The following FRAS1 variants were observed in gnomAD, a reference collection of about 807,000 sequenced individuals.
The protein encoded by FRAS1 is Fraser extracellular matrix complex subunit 1.
A neutral mutation model predicts 435.2 loss-of-function variants in FRAS1; 290 were observed. The ratio of observed to expected loss-of-function variants is 0.67; its 90% CI spans 0.61 to 0.73. FRAS1 has a LOEUF of 0.73. FRAS1 is among the 30% of genes least tolerant of loss of function. The pLI, the probability that FRAS1 is intolerant of heterozygous loss-of-function variation, is 0.00. For synonymous variants in FRAS1, 1,800 were observed against 1,851.0 expected, an observed-to-expected ratio of 0.97 and a Z score of 0.71; for missense variants, 4,860 against 5,001.5, an observed-to-expected ratio of 0.97 and a Z score of 0.85.
At chr4:78,208,952 C>T (rs1275116803) in intron 2 of FRAS1, among the ~76,000 whole-genome samples, 1 of 151,926 alleles carries the variant, frequency 6.6e-6, no homozygotes, top group Non-Finnish European at 1.5e-5. Context: ...GCCTGGACAA[C>T]AAAGTGAGAC....
intron 2 of FRAS1, among the ~76,000 whole-genome samples, chr4:78,233,465 A>G (rs917296408): frequency 6.6e-6 from 1 of 152,248 alleles, no homozygotes; most frequent in Non-Finnish European, 1.5e-5. Flanking sequence ...TGGAATGAGA[A>G]GATGGGAAAG....
At chr4:78,223,341 T>C (rs77031355) in intron 2 of FRAS1, among the ~76,000 whole-genome samples, 2,277 of 152,104 alleles carry the variant, frequency 0.015, 44 homozygotes, top group African/African-American at 0.051. Context: ...CTTGGAAAAA[T>C]AGTTGATGCA....
In FRAS1 at chr4:78,445,737, G is replaced by A. The variant is rs35536729; in HGVS notation, c.5856+25G>A. The A allele has an allele frequency of 4.3e-3, 6,939 of 1,613,496 alleles. 173 individuals are homozygous for A. In the Admixed American group the frequency reaches 0.059, roughly 14 times the overall value. ...GGTAAAGACTTTGGAAGTTGGAAAG[G>A]TTGAGCCCTTGACCACAATATTTCA... is the stretch of plus-strand genomic sequence containing the variant. On this transcript the variant is annotated intron_variant, in intron 42 of 73. Transcript: ENST00000512123.
At chr4:78,342,033 T>A (rs1407803569) in intron 20 of FRAS1, among the ~76,000 whole-genome samples, 1 of 152,148 alleles carries the variant, frequency 6.6e-6, no homozygotes, top group Non-Finnish European at 1.5e-5. Flanking sequence ...CAGGAAGGTG[T>A]TAGGAGAAAC....
At chr4:78,411,515 C>T (rs936363549) in intron 31 of FRAS1, among the ~76,000 whole-genome samples, 1 of 152,070 alleles carries the variant, frequency 6.6e-6, no homozygotes. Context: ...ATATGTAATG[C>T]CAGTGGGATT....
chr4:78,188,832 C>T (rs1306196521), intron 2 of FRAS1, among the ~76,000 whole-genome samples: 1 of 152,196 alleles, frequency 6.6e-6, no homozygotes, highest in African/African-American at 2.4e-5. Context: ...CTTGCATAGA[C>T]AGTTGGCATT....
intron 30 of FRAS1, among the ~76,000 whole-genome samples, chr4:78,406,402 TG>T (rs965339621): frequency 5.3e-5 from 8 of 152,194 alleles, no homozygotes; most frequent in African/African-American, 1.9e-4. Context: ...TCCACATGGC[TG>T]GGGAGGCCTC....
At chr4:78,318,787 C>G in intron 17 of FRAS1, 23 bp from the exon 18 acceptor site, 1 of 1,530,064 alleles carries the variant, frequency 6.5e-7, no homozygotes, top group South Asian at 1.3e-5. Context: ...GGATTATTTT[C>G]TGCATTTTAT....
rs1240302428 is a variant in FRAS1, at chr4:78,333,350, T to A, written c.2216T>A (p.Leu739Ter). 1 of 1,612,416 alleles carries A rather than the reference T, an allele frequency of 6.2e-7. No individual in the cohort carries two copies. The highest frequency in any genetic ancestry group is 8.5e-7 in the Non-Finnish European group (1 of 1,179,362). Residue 739 changes from leucine (L) to a stop codon, truncating the protein, a stop_gained, in exon 19 of 74, where the codon TTG becomes TAG. Transcript: ENST00000512123. LOFTEE classifies it high-confidence loss of function. ...GACTGTGGGCCTTCCCATGTGCTGTTGGATGGGCAGTGCCTCTCCCAGTGC... is the reference window on the plus strand; with the variant it reads ...GACTGTGGGCCTTCCCATGTGCTGTAGGATGGGCAGTGCCTCTCCCAGTGC... Reference protein sequence around the residue: ...CTDCGPSHVLLDGQCLSQCPD... With the variant: ...CTDCGPSHVL
intron 2 of FRAS1, among the ~76,000 whole-genome samples, chr4:78,125,354 C>T (rs1404422463): frequency 2.0e-5 from 3 of 152,236 alleles, no homozygotes; most frequent in Middle Eastern, 3.4e-3. Context: ...GTCTCAGAGA[C>T]AGTTTGTTAT....
At chr4:78,131,144 G>C (rs986124389) in intron 2 of FRAS1, among the ~76,000 whole-genome samples, 16 of 152,212 alleles carry the variant, frequency 1.1e-4, no homozygotes, top group African/African-American at 3.9e-4. Context: ...TATTTTTTCA[G>C]AGGAAAATAA....
intron 9 of FRAS1, among the ~76,000 whole-genome samples, chr4:78,271,456 C>A (rs1726677526): frequency 6.6e-6 from 1 of 151,702 alleles, no homozygotes; most frequent in Non-Finnish European, 1.5e-5. Flanking sequence ...TAATGCTATC[C>A]CTCCCCCCTA....
Position 78,134,420 on chromosome 4 carries a change from T to C in FRAS1, c.108+68404T>C, listed in dbSNP as rs968906037. On this transcript the variant is annotated intron_variant, in intron 2 of 73. Coordinates refer to ENST00000512123, the MANE Select transcript of FRAS1 (RefSeq NM_025074.7). ...CATGTCAATGAGATATCACTGTGGC[T>C]TCTAAGTACTGGGCCTGTAATCACA... Among the ~76,000 whole-genome samples the C allele has an allele frequency of 5.9e-5, 9 of 152,324 alleles. 1 individual carries two copies. The highest frequency in any genetic ancestry group is 2.2e-4 in the African/African-American group (9 of 41,566).
intron 10 of FRAS1, among the ~76,000 whole-genome samples, chr4:78,280,795 A>G (rs1727297550): frequency 6.6e-6 from 1 of 152,216 alleles, no homozygotes; most frequent in African/African-American, 2.4e-5. Flanking sequence ...TAGAGATGTT[A>G]TGTGTGAAGC....
intron 2 of FRAS1, among the ~76,000 whole-genome samples, chr4:78,217,466 C>T (rs1195760937): frequency 1.3e-5 from 2 of 152,092 alleles, no homozygotes; most frequent in African/African-American, 4.8e-5. Context: ...GCCAGAGCTT[C>T]AGCCCAGCTA....
chr4:78,536,995 G>C lies in FRAS1; in HGVS notation c.11093G>C (p.Gly3698Ala). 6.2e-7 allele frequency: 1 copy of C among 1,613,224 alleles called. No homozygotes were observed. The highest frequency in any genetic ancestry group is 8.5e-7 in the Non-Finnish European group (1 of 1,179,420). The stretch of plus-strand genomic sequence containing the variant: ...AATTAATACCTTTCAATCTTTTCAG[G>C]TCAAATCCTTTATGGCCGAGTACTT... ...EMDYKGAFSKGQILYGRVLWN... is the reference protein window; with the variant it reads ...EMDYKGAFSKAQILYGRVLWN... The change falls in exon 72 of 74, where the codon GGT becomes GCT. Residue 3698 changes from glycine (G) to alanine (A), a missense_variant and splice_region_variant. By Grantham distance (60) the Gly-to-Ala change is moderately conservative (BLOSUM62 0). Transcript: ENST00000512123.
At chr4:78,311,186 C>T (rs899710590) in intron 15 of FRAS1, among the ~76,000 whole-genome samples, 1 of 151,998 alleles carries the variant, frequency 6.6e-6, no homozygotes, top group Admixed American at 6.6e-5. Context: ...TTTCTTCCCT[C>T]CTTTTTTCTT....
At position 78,333,227 on chromosome 4, in the gene FRAS1, C is replaced by T. The variant is rs561596408; in HGVS notation, c.2138-45C>T. 1.9e-4 allele frequency: 305 copies of T among 1,577,454 alleles called. 3 individuals carry two copies. The South Asian group carries it at 3.3e-3, about 17-fold the overall frequency. The stretch of plus-strand genomic sequence containing the variant: ...AGAGATAGAGTTACTGTCTGTGTCA[C>T]GTGGGGCTTTCCTGATTGTCTCCTT... On this transcript the variant is annotated intron_variant, in intron 18 of 73. Coordinates refer to ENST00000512123, the MANE Select transcript of FRAS1 (RefSeq NM_025074.7).
rs186345253 is a variant in FRAS1 at position 78,536,661 on chromosome 4, G to C, written c.11093-334G>C. 2.2e-4 allele frequency among the ~76,000 whole-genome samples: 33 copies of C among 152,282 alleles called. No homozygotes were observed. The Middle Eastern group carries it at 0.01, about 47-fold the overall frequency. ...AGCCTATTTTAGTCAATCACTGTGA[G>C]TTTGTTTCCATCCTCTCAACTGCAT... On this transcript the variant is annotated intron_variant, in intron 71 of 73. Coordinates refer to ENST00000512123, the MANE Select transcript of FRAS1 (RefSeq NM_025074.7).
Sources: allele counts gnomAD v4.1 joint callset (sites outside exome capture counted in the v4.1 genomes callset), GRCh38; gene constraint gnomAD v4.1.1; transcripts MANE v1.5; gene names NCBI Gene and HGNC (gene_info 2026-07-23, HGNC 2026-07-21).